ULK4: variants seen among roughly 807,000 people sequenced by gnomAD.
ULK4 encodes inactive serine/threonine-protein kinase ULK4.
A neutral mutation model predicts 160.6 loss-of-function variants in ULK4; 133 were observed. The observed-to-expected ratio is 0.83, with a 90% CI of 0.72 to 0.96. ULK4 has a LOEUF of 0.96. Among genes scored for constraint, ULK4 ranks in the 40% least tolerant of loss-of-function variants. The pLI, the probability that ULK4 is intolerant of heterozygous loss-of-function variation, is 0.00. For synonymous variants in ULK4, 534 were observed against 539.8 expected (o/e 0.99, Z 0.15); for missense variants, 1,580 against 1,499.5 (o/e 1.05, Z -0.89).
chr3:41,440,259 ATC>A (rs1168046907), intron 34 of ULK4, among the ~76,000 whole-genome samples: 1 of 152,198 alleles, frequency 6.6e-6, no homozygotes, highest in Non-Finnish European at 1.5e-5. Flanking sequence ...GAAAGCAAAC[ATC>A]TCTGTTTGTG....
chr3:41,683,236 G>A lies in ULK4; in HGVS notation c.2782-1432C>T, dbSNP rs182116557. ...AGAATTCCAGGAACTGGCCTTACGAGACCCAAACTATCAAACCAAAGTTGT... is the reference window on the plus strand; with the variant it reads ...AGAATTCCAGGAACTGGCCTTACGAAACCCAAACTATCAAACCAAAGTTGT... On this transcript the variant is annotated intron_variant, in intron 27 of 36. Coordinates refer to ENST00000301831, the MANE Select transcript of ULK4 (RefSeq NM_017886.4). Among the ~76,000 whole-genome samples, 7 of 152,162 alleles carry A rather than the reference G, an allele frequency of 4.6e-5. No homozygotes were observed. The East Asian group carries it at 1.4e-3, about 30-fold the overall frequency.
chr3:41,695,571 T>C (rs1372665731), intron 27 of ULK4, among the ~76,000 whole-genome samples: 3 of 152,096 alleles, frequency 2.0e-5, no homozygotes, highest in Non-Finnish European at 4.4e-5. Flanking sequence ...ACTAGCCAAA[T>C]CTGGAAAATA....
At chr3:41,860,714 T>C (rs1427342772) in intron 17 of ULK4, among the ~76,000 whole-genome samples, 1 of 152,224 alleles carries the variant, frequency 6.6e-6, no homozygotes, top group Non-Finnish European at 1.5e-5. Context: ...TCCATTTACA[T>C]TCAATGTTAT....
chr3:41,918,431 A>G (rs1699048576), intron 7 of ULK4, 26 bp downstream of exon 7: 1 of 1,482,778 alleles, frequency 6.7e-7, no homozygotes, highest in African/African-American at 1.4e-5. Context: ...ATGTAAATTA[A>G]TTCCATTTAT....
intron 35 of ULK4, among the ~76,000 whole-genome samples, chr3:41,250,139 C>CA (rs1272567612): frequency 3.3e-5 from 5 of 152,126 alleles, no homozygotes; most frequent in Admixed American, 6.5e-5. Flanking sequence ...CACCTATTTG[C>CA]AGAATCATAC....
At chr3:41,703,931 A>C (rs1425432344) in intron 27 of ULK4, among the ~76,000 whole-genome samples, 1 of 152,136 alleles carries the variant, frequency 6.6e-6, no homozygotes, top group African/African-American at 2.4e-5. Context: ...GTGAGGAAAC[A>C]AACTGAAGAA....
intron 35 of ULK4, among the ~76,000 whole-genome samples, chr3:41,281,882 G>GA: frequency 6.6e-6 from 1 of 152,316 alleles, no homozygotes; most frequent in Admixed American, 6.5e-5. Context: ...CAGATGACAT[G>GA]ATTGTATATT....
chr3:41,728,799 C>G (rs999457783), intron 22 of ULK4, among the ~76,000 whole-genome samples: 11 of 152,010 alleles, frequency 7.2e-5, no homozygotes, highest in African/African-American at 2.7e-4. Flanking sequence ...ACAAACATTT[C>G]TATTATAAAT....
chr3:41,648,910 G>C (rs553429081), intron 30 of ULK4, among the ~76,000 whole-genome samples: 1 of 152,256 alleles, frequency 6.6e-6, no homozygotes, highest in Non-Finnish European at 1.5e-5. Context: ...AAGGCGGGCA[G>C]ATCGTTTGAG....
intron 17 of ULK4, among the ~76,000 whole-genome samples, chr3:41,840,212 T>C: frequency 6.6e-6 from 1 of 152,202 alleles, no homozygotes; most frequent in East Asian, 1.9e-4. Context: ...GAGGATGGCT[T>C]GAGTTCAGGT....
intron 35 of ULK4, among the ~76,000 whole-genome samples, chr3:41,263,213 C>T (rs1277019540): frequency 3.3e-5 from 5 of 152,152 alleles, no homozygotes; most frequent in Admixed American, 6.5e-5. Context: ...GTATCTATCA[C>T]GCAAACCTGA....
chr3:41,672,579 T>C (rs1406018780), intron 29 of ULK4, among the ~76,000 whole-genome samples: 2 of 152,184 alleles, frequency 1.3e-5, no homozygotes, highest in Admixed American at 1.3e-4. Context: ...GAAGAAAAGC[T>C]GGTTAATGGG....
At chr3:41,824,362 T>C (rs947585658) in intron 18 of ULK4, among the ~76,000 whole-genome samples, 3 of 143,334 alleles carry the variant, frequency 2.1e-5, no homozygotes, top group African/African-American at 5.1e-5. Flanking sequence ...CAAAGCAGGG[T>C]GAGGCATTGC....
chr3:41,711,468 A>C (rs2037094276), intron 25 of ULK4, among the ~76,000 whole-genome samples: 1 of 152,220 alleles, frequency 6.6e-6, no homozygotes, highest in Non-Finnish European at 1.5e-5. Flanking sequence ...TAAAGGAAAA[A>C]AGACAAGAAT....
At chr3:41,574,036 G>T (rs746726516) in intron 31 of ULK4, among the ~76,000 whole-genome samples, 3 of 151,814 alleles carry the variant, frequency 2.0e-5, no homozygotes, top group Non-Finnish European at 4.4e-5. Context: ...CACAAAATTA[G>T]CCAGGAGCGG....
chr3:41,394,641 A>C (rs2082019427), intron 35 of ULK4, among the ~76,000 whole-genome samples: 1 of 152,014 alleles, frequency 6.6e-6, no homozygotes, highest in African/African-American at 2.4e-5. Flanking sequence ...AATGAGCATC[A>C]GTTTTGCACC....
intron 35 of ULK4, among the ~76,000 whole-genome samples, chr3:41,397,144 C>T (rs1179174367): frequency 6.6e-6 from 1 of 152,064 alleles, no homozygotes; most frequent in African/African-American, 2.4e-5. Context: ...AACCCCCATC[C>T]TTTATTAACT....
intron 30 of ULK4, among the ~76,000 whole-genome samples, chr3:41,623,564 C>T (rs761075877): frequency 2.0e-5 from 3 of 152,026 alleles, no homozygotes; most frequent in Non-Finnish European, 2.9e-5. Context: ...TCATTTGTGA[C>T]GATAAGGATG....
At chr3:41,446,975 T>C (rs1329139364) in intron 34 of ULK4, among the ~76,000 whole-genome samples, 1 of 149,766 alleles carries the variant, frequency 6.7e-6, no homozygotes. Flanking sequence ...TCCTAGCTAC[T>C]TGGGAGGTTG....
Sources: gnomAD v4.1 joint callset for allele counts (sites outside exome capture counted in the v4.1 genomes callset) on GRCh38, gnomAD v4.1.1 for gene constraint, MANE v1.5 for transcripts, NCBI Gene and HGNC (gene_info 2026-07-23, HGNC 2026-07-21) for gene names.